The following HPSE2 variants were observed in gnomAD, a reference collection of about 807,000 sequenced individuals.
The protein encoded by HPSE2 is inactive heparanase-2.
A neutral mutation model predicts 60.5 loss-of-function variants in HPSE2; 38 were observed. The observed-to-expected ratio is 0.63, with a 90% CI of 0.48 to 0.82. The LOEUF is 0.82. HPSE2 is among the 40% of genes least tolerant of loss of function. HPSE2 has a pLI of 0.00. For missense variants in HPSE2, 713 were observed against 740.4 expected, an observed-to-expected ratio of 0.96 and a Z score of 0.43; for synonymous variants, 295 against 293.2, an observed-to-expected ratio of 1.01 and a Z score of -0.06.
chr10:98,764,753 A>G (rs1950082513), intron 3 of HPSE2, among the ~76,000 whole-genome samples: 1 of 152,134 alleles, frequency 6.6e-6, no homozygotes, highest in African/African-American at 2.4e-5. Context: ...GCTCCTCTGG[A>G]GGCTGAGGCA....
At chr10:99,039,154 C>G (rs1957677946) in intron 3 of HPSE2, among the ~76,000 whole-genome samples, 1 of 152,122 alleles carries the variant, frequency 6.6e-6, no homozygotes, top group Non-Finnish European at 1.5e-5. Context: ...GAGTTTGCCA[C>G]CCTGACTAAT....
chr10:99,311,085 A>G, the HPSE2 span, among the ~76,000 whole-genome samples: 5 of 152,218 alleles, frequency 3.3e-5, no homozygotes, highest in Non-Finnish European at 5.9e-5. Flanking sequence ...ATTCTCTGAT[A>G]CAAAAAAGTA....
chr10:98,602,149 A>C (rs1011269613), intron 9 of HPSE2, among the ~76,000 whole-genome samples: 1 of 152,190 alleles, frequency 6.6e-6, no homozygotes, highest in Non-Finnish European at 1.5e-5. Flanking sequence ...AATGAACAAA[A>C]GTAGAACTAA....
chr10:98,640,294 T>A (rs1482534766), intron 7 of HPSE2, among the ~76,000 whole-genome samples: 1 of 152,186 alleles, frequency 6.6e-6, no homozygotes, highest in Non-Finnish European at 1.5e-5. Flanking sequence ...AAACAGGGAC[T>A]GGTAGAAATA....
Position 98,963,934 on chromosome 10 carries a change from AATAGC to A in HPSE2, c.610+180299_610+180303del, listed in dbSNP as rs561214747. ...AAAGAACACTGATTACAGAACACAG[AATAGC>A]AGAGTCTATTATCTAAACCTAATGC... On this transcript the variant is annotated intron_variant, in intron 3 of 11. Coordinates refer to ENST00000370552, the MANE Select transcript of HPSE2 (RefSeq NM_021828.5). 7.6e-3 allele frequency among the ~76,000 whole-genome samples: 1,152 copies of A among 152,274 alleles called. 8 individuals are homozygous for A. Among genetic ancestry groups the A allele is most frequent in the Non-Finnish European group, 0.011 (715 of 68,000 alleles).
At chr10:98,723,218 T>C (rs898459392) in intron 4 of HPSE2, among the ~76,000 whole-genome samples, 3 of 152,218 alleles carry the variant, frequency 2.0e-5, no homozygotes, top group Admixed American at 6.5e-5. Flanking sequence ...TCTATTGAGA[T>C]AATCATGTGG....
At position 98,820,917 on chromosome 10, in the gene HPSE2, A is replaced by G. The variant is rs374295510; in HGVS notation, c.611-76861T>C. Among the ~76,000 whole-genome samples, 113 of 152,326 alleles carry G rather than the reference A, an allele frequency of 7.4e-4. 1 individual carries two copies. Among genetic ancestry groups the G allele is most frequent in the African/African-American group, 2.6e-3 (109 of 41,578 alleles). Reference sequence around the variant, plus strand: ...CATCATACTCAGTATTATTCTGAGCAGACTAACTTCTTATGAGATCTTGCT... The same window carrying G: ...CATCATACTCAGTATTATTCTGAGCGGACTAACTTCTTATGAGATCTTGCT... On this transcript the variant is annotated intron_variant, in intron 3 of 11. Coordinates refer to ENST00000370552, the MANE Select transcript of HPSE2 (RefSeq NM_021828.5).
chr10:98,908,640 G>C (rs2135011089), intron 3 of HPSE2, among the ~76,000 whole-genome samples: 1 of 130,456 alleles, frequency 7.7e-6, no homozygotes, highest in Non-Finnish European at 1.5e-5. Context: ...CCGAGATCGT[G>C]CCGTTGCACT....
intron 6 of HPSE2, among the ~76,000 whole-genome samples, chr10:98,693,573 A>G (rs1160566722): frequency 6.6e-6 from 1 of 152,250 alleles, no homozygotes; most frequent in African/African-American, 2.4e-5. Context: ...ATTTATTCCC[A>G]AAGGAAAAGC....
chr10:99,203,053 A>C (rs1314998640), intron 2 of HPSE2, among the ~76,000 whole-genome samples: 1 of 152,072 alleles, frequency 6.6e-6, no homozygotes, highest in East Asian at 1.9e-4. Flanking sequence ...ACCTTCCCTC[A>C]TGCCAAGCCA....
chr10:98,841,808 A>ATTTTT (rs373906376), intron 3 of HPSE2, among the ~76,000 whole-genome samples: 179 of 143,306 alleles, frequency 1.2e-3, no homozygotes, highest in Middle Eastern at 7.3e-3. Flanking sequence ...ATTCCTTGTA[A>ATTTTT]TTTTTTTTTT....
intron 9 of HPSE2, among the ~76,000 whole-genome samples, chr10:98,556,801 G>A (rs1238923707): frequency 2.0e-5 from 3 of 152,190 alleles, no homozygotes; most frequent in Non-Finnish European, 2.9e-5. Flanking sequence ...GTAGACTAAT[G>A]AGCTGAGTCT....
At chr10:98,930,265 T>C (rs919638422) in intron 3 of HPSE2, among the ~76,000 whole-genome samples, 2 of 144,066 alleles carry the variant, frequency 1.4e-5, no homozygotes, top group Non-Finnish European at 3.0e-5. Flanking sequence ...GTTAGTCTGC[T>C]GAGGATAATG....
intron 9 of HPSE2, among the ~76,000 whole-genome samples, chr10:98,589,704 C>T (rs1244801328): frequency 1.3e-5 from 2 of 152,192 alleles, no homozygotes; most frequent in African/African-American, 4.8e-5. Flanking sequence ...TATGATCCAT[C>T]ACCCTGTCAC....
intron 3 of HPSE2, among the ~76,000 whole-genome samples, chr10:98,987,940 A>T (rs1956411279): frequency 6.6e-6 from 1 of 152,240 alleles, no homozygotes; most frequent in African/African-American, 2.4e-5. Context: ...CTTACAAGGG[A>T]TGTGAAGCAC....
At chr10:98,717,878 C>T (rs566960293) in intron 5 of HPSE2, among the ~76,000 whole-genome samples, 1 of 152,140 alleles carries the variant, frequency 6.6e-6, no homozygotes, top group Admixed American at 6.6e-5. Context: ...TTTGCCTGTA[C>T]TCATTTTTAA....
At chr10:98,932,207 T>G (rs1278184524) in intron 3 of HPSE2, among the ~76,000 whole-genome samples, 3 of 144,242 alleles carry the variant, frequency 2.1e-5, no homozygotes, top group Non-Finnish European at 3.0e-5. Flanking sequence ...GAAGGCCTTT[T>G]CTGAATCTAT....
At chr10:99,044,275 G>A (rs1295057174) in intron 3 of HPSE2, among the ~76,000 whole-genome samples, 1 of 152,122 alleles carries the variant, frequency 6.6e-6, no homozygotes, top group Non-Finnish European at 1.5e-5. Context: ...ATGTGAAATA[G>A]AAATAAAATC....
At chr10:98,701,636 A>C (rs1323630453) in intron 5 of HPSE2, among the ~76,000 whole-genome samples, 1 of 103,068 alleles carries the variant, frequency 9.7e-6, no homozygotes, top group Non-Finnish European at 2.2e-5. Flanking sequence ...AACTTAAAGT[A>C]TAATAATAAT....
Sources: gnomAD v4.1 joint callset for allele counts (sites outside exome capture counted in the v4.1 genomes callset) on GRCh38, gnomAD v4.1.1 for gene constraint, MANE v1.5 for transcripts, NCBI Gene and HGNC (gene_info 2026-07-23, HGNC 2026-07-21) for gene names.